Variants in OLFM2 observed in about 807,000 individuals in gnomAD.
OLFM2 encodes the protein noelin-2.
Under a neutral mutation model 43.9 loss-of-function variants are expected in OLFM2, and 20 were observed. That is an observed-to-expected ratio of 0.46 (90% confidence interval 0.32 to 0.66). OLFM2 has a LOEUF of 0.66. OLFM2 is among the 30% of genes least tolerant of loss of function. The probability of loss-of-function intolerance (pLI) is 0.04; values close to 1 mark genes in which losing one functional copy is unlikely to be tolerated. For missense variants in OLFM2, 416 were observed against 643.6 expected (o/e 0.65, Z 3.83); for synonymous variants, 268 against 278.6 (o/e 0.96, Z 0.38).
At chr19:9,931,723 A>G (rs2086483639) in intron 1 of OLFM2, among the ~76,000 whole-genome samples, 1 of 144,588 alleles carries the variant, frequency 6.9e-6, no homozygotes, top group Non-Finnish European at 1.5e-5. Context: ...ATAAAAAAAA[A>G]AAAAGAAATA....
intron 1 of OLFM2, among the ~76,000 whole-genome samples, chr19:9,876,922 AG>A (rs2046493661): frequency 6.6e-6 from 1 of 152,194 alleles, no homozygotes; most frequent in African/African-American, 2.4e-5. Context: ...AGAGAAGTAA[AG>A]AAACAGAAGA....
chr19:9,854,878 G>T lies in OLFM2; in HGVS notation c.688-15C>A. The T allele has an allele frequency of 6.5e-7, 1 of 1,547,436 alleles. No homozygotes were observed. Among genetic ancestry groups the T allele is most frequent in the Non-Finnish European group, 8.7e-7 (1 of 1,143,184 alleles). ...ATGTACCAGACCTATGGTAGCAGCCGCTGGTCACTGGGGGGAACCACCACC... is the reference window on the plus strand; with the variant it reads ...ATGTACCAGACCTATGGTAGCAGCCTCTGGTCACTGGGGGGAACCACCACC... On this transcript the variant is annotated splice_polypyrimidine_tract_variant and intron_variant, in intron 5 of 5. Transcript: ENST00000264833. This position sits in a 1 kb window ranked among gnomAD's most constrained non-coding sequence, Gnocchi z 9.5.
intron 1 of OLFM2, among the ~76,000 whole-genome samples, chr19:9,907,163 A>G (rs1243869070): frequency 6.6e-6 from 1 of 152,042 alleles, no homozygotes; most frequent in Non-Finnish European, 1.5e-5. Flanking sequence ...CCCTCAAGAG[A>G]GGTGGTCTGG....
chr19:9,888,144 C>T (rs2046604547), intron 1 of OLFM2, among the ~76,000 whole-genome samples: 1 of 152,162 alleles, frequency 6.6e-6, no homozygotes, highest in Non-Finnish European at 1.5e-5. Flanking sequence ...TCTTCTATAT[C>T]ACCTCTTTGC....
intron 1 of OLFM2, among the ~76,000 whole-genome samples, chr19:9,905,964 T>A (rs1357290232): frequency 6.6e-6 from 1 of 152,174 alleles, no homozygotes; most frequent in African/African-American, 2.4e-5. Context: ...ACGCTCTCAT[T>A]CACTCCAACA....
rs1318404922 is a variant in OLFM2 at position 9,926,092 on chromosome 19, G to T, written c.63+10212C>A. On this transcript the variant is annotated intron_variant, in intron 1 of 5. Transcript: ENST00000264833. Reference sequence around the variant, plus strand: ...ATAGAGGTTGCAGCGAGCTGTGATGGTGCCACTGCACTCCAGCCTGAGTGA... The same window carrying T: ...ATAGAGGTTGCAGCGAGCTGTGATGTTGCCACTGCACTCCAGCCTGAGTGA... Among the ~76,000 whole-genome samples the T allele has an allele frequency of 2.0e-5, 3 of 152,042 alleles. No individual in the cohort carries two copies. In the East Asian group the frequency reaches 5.9e-4, roughly 30 times the overall value.
At chr19:9,924,450 G>C (rs540706690) in intron 1 of OLFM2, among the ~76,000 whole-genome samples, 2 of 149,688 alleles carry the variant, frequency 1.3e-5, no homozygotes, top group East Asian at 3.9e-4. Context: ...TTGAAATGGA[G>C]GTCTCGCTCT....
At chr19:9,864,385 C>T (rs890702375) in intron 1 of OLFM2, among the ~76,000 whole-genome samples, 2 of 152,150 alleles carry the variant, frequency 1.3e-5, no homozygotes, top group Non-Finnish European at 2.9e-5. Context: ...ACTGCAACCT[C>T]CACCTCCTGG....
intron 2 of OLFM2, among the ~76,000 whole-genome samples, chr19:9,860,150 A>AG (rs1300911563): frequency 8.2e-6 from 1 of 121,218 alleles, no homozygotes; most frequent in African/African-American, 3.2e-5. Flanking sequence ...TGTCTCAAGG[A>AG]GAAAAAAAAA....
rs1437535081 is a variant in OLFM2, at chr19:9,857,105, C to CT, written c.580+157dup. On this transcript the variant is annotated intron_variant, in intron 4 of 5. Coordinates refer to ENST00000264833, the MANE Select transcript of OLFM2 (RefSeq NM_058164.4). The surrounding 1 kb of genome is among the most constrained non-coding windows in gnomAD (Gnocchi z 5.7). ...GGCCAAGGGTCAGGGCCATTTCCAG[C>CT]TTCTGGACTCAAGTGTAGCCTTAGG... 5.9e-6 allele frequency: 5 copies of CT among 845,250 alleles called. No homozygotes were observed. In the African/African-American group the frequency reaches 8.4e-5, roughly 14 times the overall value. The allele number at this position is 845,250 out of a possible 1,614,324, so 52.4% of individuals were successfully genotyped here.
intron 1 of OLFM2, among the ~76,000 whole-genome samples, chr19:9,861,843 A>T (rs1056027493): frequency 3.3e-5 from 5 of 152,156 alleles, no homozygotes; most frequent in African/African-American, 1.2e-4. Flanking sequence ...AACATGGCAA[A>T]GCCCCATCTC....
At position 9,857,085 on chromosome 19, in the gene OLFM2, A is replaced by G; in HGVS notation, c.581-172T>C. 1.2e-6 allele frequency: 1 copy of G among 814,420 alleles called. No homozygotes were observed. Among genetic ancestry groups the G allele is most frequent in the Non-Finnish European group, 2.0e-6 (1 of 496,842 alleles). 50.4% of individuals were successfully genotyped at this position (814,420 alleles called of 1,614,324 possible). ...GTTGTGAGTGAGGGGTTAGAGGCCA[A>G]GGGTCAGGGCCATTTCCAGCTTCTG... On this transcript the variant is annotated intron_variant, in intron 4 of 5. Transcript: ENST00000264833. This position sits in a 1 kb window ranked among gnomAD's most constrained non-coding sequence, Gnocchi z 5.7.
Position 9,854,969 on chromosome 19 carries a change from G to A in OLFM2, c.688-106C>T, listed in dbSNP as rs544720668. The A allele has an allele frequency of 1.7e-5, 14 of 842,340 alleles. No individual in the cohort carries two copies. The East Asian group carries it at 3.8e-4, about 23-fold the overall frequency. The allele number at this position is 842,340 out of a possible 1,614,324, so 52.2% of individuals were successfully genotyped here. On this transcript the variant is annotated intron_variant, in intron 5 of 5. Coordinates refer to ENST00000264833, the MANE Select transcript of OLFM2 (RefSeq NM_058164.4). This position sits in a 1 kb window ranked among gnomAD's most constrained non-coding sequence, Gnocchi z 9.5. The stretch of plus-strand genomic sequence containing the variant: ...TTCAACAGTCACTAAGTGGTCATTA[G>A]TCATGGGAACTCTGTTGACCATTCA...
chr19:9,863,646 G>A (rs926565090), intron 1 of OLFM2, among the ~76,000 whole-genome samples: 3 of 151,490 alleles, frequency 2.0e-5, no homozygotes, highest in African/African-American at 4.9e-5. Flanking sequence ...AATCGGTGCC[G>A]TGAGCTGCAG....
At chr19:9,875,632 A>T (rs2046480327) in intron 1 of OLFM2, among the ~76,000 whole-genome samples, 1 of 149,802 alleles carries the variant, frequency 6.7e-6, no homozygotes, top group Admixed American at 6.8e-5. Flanking sequence ...CTGGGACCAC[A>T]GGCACTTACC....
chr19:9,885,222 AC>A (rs1254975482), intron 1 of OLFM2, among the ~76,000 whole-genome samples: 22 of 152,184 alleles, frequency 1.4e-4, no homozygotes, highest in Middle Eastern at 3.4e-3. Flanking sequence ...AGTGATTCTG[AC>A]CCATTCCCAG....
intron 1 of OLFM2, among the ~76,000 whole-genome samples, chr19:9,899,689 C>G (rs2046714103): frequency 6.6e-6 from 1 of 151,986 alleles, no homozygotes; most frequent in Non-Finnish European, 1.5e-5. Flanking sequence ...GTAGCTGGGA[C>G]TACAGGTGCA....
At chr19:9,923,663 GA>G (rs1568387776) in intron 1 of OLFM2, among the ~76,000 whole-genome samples, 2 of 144,600 alleles carry the variant, frequency 1.4e-5, no homozygotes, top group African/African-American at 5.7e-5. Context: ...GAAAAGAAAA[GA>G]AAGAAAAAAG....
intron 1 of OLFM2, among the ~76,000 whole-genome samples, chr19:9,928,848 T>C (rs994789763): frequency 6.6e-6 from 1 of 151,488 alleles, no homozygotes; most frequent in African/African-American, 2.4e-5. Flanking sequence ...TTGTATACAG[T>C]CTTCATGGAA....
Sources: allele counts gnomAD v4.1 joint callset (sites outside exome capture counted in the v4.1 genomes callset), GRCh38; gene constraint gnomAD v4.1.1; non-coding constraint Gnocchi (gnomAD v3.1); transcripts MANE v1.5; gene names NCBI Gene and HGNC (gene_info 2026-07-23, HGNC 2026-07-21).